Variants in PRXL2A observed in about 807,000 individuals in gnomAD.
PRXL2A encodes the protein peroxiredoxin like 2A.
A neutral mutation model predicts 25.6 loss-of-function variants in PRXL2A; 26 were observed. The observed-to-expected ratio is 1.02, with a 90% confidence interval of 0.74 to 1.41. The LOEUF is 1.41. Among genes scored for constraint, PRXL2A ranks in the 40% most tolerant of loss-of-function variants. The probability of loss-of-function intolerance (pLI) is 0.00; values close to 1 mark genes in which losing one functional copy is unlikely to be tolerated. For missense variants in PRXL2A, 246 were observed against 273.9 expected, an observed-to-expected ratio of 0.90 and a Z score of 0.72; for synonymous variants, 98 against 102.9, an observed-to-expected ratio of 0.95 and a Z score of 0.29.
rs1845309701 is a variant in PRXL2A, at chr10:80,432,709, G to A, written c.*610G>A. ...ATATGATGTTTGAGTGCTGTTGTTTGAAATTATTTTTCTTTTCGGGTCTTC... is the reference window on the plus strand; with the variant it reads ...ATATGATGTTTGAGTGCTGTTGTTTAAAATTATTTTTCTTTTCGGGTCTTC... On this transcript the variant is annotated 3_prime_UTR_variant, in exon 6 of 6. Transcript: ENST00000606162. The A allele has an allele frequency of 6.6e-6, 1 of 150,912 alleles. No individual in the cohort carries two copies. The highest frequency in any genetic ancestry group is 6.6e-5 in the Admixed American group (1 of 15,136). 9.3% of individuals were successfully genotyped at this position (150,912 alleles called of 1,614,324 possible).
chr10:80,412,372 G>C (rs905483387), intron 1 of PRXL2A, among the ~76,000 whole-genome samples: 1 of 152,142 alleles, frequency 6.6e-6, no homozygotes, highest in African/African-American at 2.4e-5. Context: ...ACTGAAATTG[G>C]AATTGAGTAG....
chr10:80,416,375 A>G (rs1351484120), intron 1 of PRXL2A, among the ~76,000 whole-genome samples: 1 of 152,198 alleles, frequency 6.6e-6, no homozygotes, highest in Admixed American at 6.5e-5. Flanking sequence ...GCAGAATGTC[A>G]CCAAAGGAGA....
chr10:80,408,914 C>A, intron 1 of PRXL2A: 1 of 430,564 alleles, frequency 2.3e-6, no homozygotes, highest in Non-Finnish European at 3.1e-6. Context: ...GGACCCGGCG[C>A]TGCTGCGGCG....
At chr10:80,430,791 T>C (rs548098719) in intron 5 of PRXL2A, among the ~76,000 whole-genome samples, 1 of 152,348 alleles carries the variant, frequency 6.6e-6, no homozygotes, top group East Asian at 1.9e-4. Flanking sequence ...TTGTTTTGCT[T>C]TGCTCTAGAA....
intron 2 of PRXL2A, among the ~76,000 whole-genome samples, chr10:80,421,234 G>A (rs188749515): frequency 1.3e-5 from 2 of 152,316 alleles, no homozygotes; most frequent in East Asian, 1.9e-4. Context: ...AAGGTCACCC[G>A]TTAGAGCAGA....
intron 3 of PRXL2A, among the ~76,000 whole-genome samples, chr10:80,424,244 C>T (rs1159251581): frequency 6.6e-6 from 1 of 151,682 alleles, no homozygotes; most frequent in East Asian, 1.9e-4. Flanking sequence ...AGTGCCACAC[C>T]AGGAGTAAAG....
chr10:80,430,616 A>G (rs1845220966), intron 5 of PRXL2A, among the ~76,000 whole-genome samples: 1 of 152,176 alleles, frequency 6.6e-6, no homozygotes, highest in Non-Finnish European at 1.5e-5. Context: ...ACTGAACTAC[A>G]GCCTGGGAAA....
chr10:80,425,883 C>T lies in PRXL2A; in HGVS notation c.288C>T (p.Ser96=), dbSNP rs192101938. ...TTCTACAGGAAGCTGCGGATCTGTC[C>T]TCCCTGAAAAGCATGTTGGACCAGC... ...FLCREEAADL[S]SLKSMLDQLG... is the part of the protein sequence containing the mutation. Residue 96 remains serine, a synonymous_variant, in exon 4 of 6, where the codon TCC becomes TCT. Coordinates refer to ENST00000606162, the MANE Select transcript of PRXL2A (RefSeq NM_032333.5). The T allele has an allele frequency of 6.2e-7, 1 of 1,614,252 alleles. No individual in the cohort carries two copies. The highest frequency in any genetic ancestry group is 2.2e-5 in the East Asian group (1 of 44,894).
At chr10:80,409,034 T>G in intron 1 of PRXL2A, 2 of 985,212 alleles carry the variant, frequency 2.0e-6, no homozygotes, top group South Asian at 9.4e-5. Context: ...CCCTGGAGCA[T>G]GGGCCCGGGG....
At chr10:80,410,779 C>T (rs2131874083) in intron 1 of PRXL2A, among the ~76,000 whole-genome samples, 1 of 152,314 alleles carries the variant, frequency 6.6e-6, no homozygotes, top group Admixed American at 6.5e-5. Flanking sequence ...CTATCCACAC[C>T]CATATAACTT....
intron 1 of PRXL2A, among the ~76,000 whole-genome samples, chr10:80,409,919 A>T (rs562923797): frequency 6.6e-6 from 1 of 152,248 alleles, no homozygotes; most frequent in Non-Finnish European, 1.5e-5. Context: ...ACAGCTTGCA[A>T]GAATTAAAGT....
chr10:80,429,484 C>T (rs1270796691), intron 5 of PRXL2A, among the ~76,000 whole-genome samples: 1 of 152,146 alleles, frequency 6.6e-6, no homozygotes, highest in Non-Finnish European at 1.5e-5. Flanking sequence ...GGAAATGAAA[C>T]TTAGGAACTC....
At position 80,427,239 on chromosome 10, in the gene PRXL2A, C is replaced by T. The variant is rs113553958; in HGVS notation, c.412-93C>T. ...GAACCAGCAGCCTTTTGAGTCTTTG[C>T]CTGAGAACCAATGCCCCGTCAGGAG... On this transcript the variant is annotated intron_variant, in intron 4 of 5. Transcript: ENST00000606162. The T allele has an allele frequency of 4.1e-4, 454 of 1,111,374 alleles. 3 individuals are homozygous for T. In the African/African-American group the frequency reaches 6.4e-3, roughly 16 times the overall value. The allele number at this position is 1,111,374 out of a possible 1,614,324, so 68.8% of individuals were successfully genotyped here. A position where few individuals can be genotyped will look rare whatever the true frequency, so the allele number is the denominator to read the frequency against.
chr10:80,419,588 A>G (rs1363250853), intron 1 of PRXL2A, among the ~76,000 whole-genome samples: 1 of 151,942 alleles, frequency 6.6e-6, no homozygotes, highest in East Asian at 1.9e-4. Context: ...GATTACAGGC[A>G]TGAGCCACCG....
chr10:80,408,174 A>AG (rs1223132659), upstream of PRXL2A, among the ~76,000 whole-genome samples: 1 of 151,832 alleles, frequency 6.6e-6, no homozygotes, highest in Non-Finnish European at 1.5e-5. Flanking sequence ...GAGGTTAAAA[A>AG]AAAAAAAAAA....
At chr10:80,419,298 C>CTTTT (rs11423912) in intron 1 of PRXL2A, among the ~76,000 whole-genome samples, 1 of 129,172 alleles carries the variant, frequency 7.7e-6, no homozygotes, top group African/African-American at 2.8e-5. Context: ...CTTCCTCTTT[C>CTTTT]TTTTTTTTTT....
intron 1 of PRXL2A, among the ~76,000 whole-genome samples, chr10:80,414,994 C>G (rs1844609346): frequency 6.6e-6 from 1 of 152,222 alleles, no homozygotes; most frequent in Non-Finnish European, 1.5e-5. Context: ...TGCAGCAAGT[C>G]ACAGTAGTAC....
chr10:80,422,728 C>G (rs1564692269), intron 3 of PRXL2A, among the ~76,000 whole-genome samples: 1 of 151,538 alleles, frequency 6.6e-6, no homozygotes, highest in East Asian at 1.9e-4. Flanking sequence ...CTCAGTTTCC[C>G]TTAGTACTCC....
intron 5 of PRXL2A, among the ~76,000 whole-genome samples, chr10:80,428,538 G>A (rs1845129664): frequency 6.6e-6 from 1 of 152,172 alleles, no homozygotes; most frequent in African/African-American, 2.4e-5. Flanking sequence ...GTGTAGTGGT[G>A]CGCACCCATA....
Sources: allele counts gnomAD v4.1 joint callset (sites outside exome capture counted in the v4.1 genomes callset), GRCh38; gene constraint gnomAD v4.1.1; transcripts MANE v1.5; gene names NCBI Gene and HGNC (gene_info 2026-07-23, HGNC 2026-07-21).